PKD1L1: variants seen among roughly 807,000 people sequenced by gnomAD.
PKD1L1 encodes the protein polycystin-1-like protein 1.
In PKD1L1, 236 loss-of-function variants were observed where a neutral mutation model predicts 323.4. The ratio of observed to expected loss-of-function variants is 0.73; its 90% confidence interval spans 0.66 to 0.81. The LOEUF is 0.81. Ranked by LOEUF, PKD1L1 falls within the 40% of genes least tolerant of loss-of-function variation. The pLI is 0.00. For synonymous variants in PKD1L1, 1,344 were observed against 1,335.0 expected (o/e 1.01, Z -0.15); for missense variants, 3,320 against 3,508.0 (o/e 0.95, Z 1.35).
chr7:47,817,098 G>T (rs1026609848), intron 46 of PKD1L1, among the ~76,000 whole-genome samples: 3 of 152,126 alleles, frequency 2.0e-5, no homozygotes, highest in Non-Finnish European at 4.4e-5. Flanking sequence ...TTAGCTGGGC[G>T]TGATGGTACG....
chr7:47,917,075 A>G (rs1176735638), intron 7 of PKD1L1, among the ~76,000 whole-genome samples: 1 of 152,194 alleles, frequency 6.6e-6, no homozygotes, highest in Admixed American at 6.5e-5. Context: ...AAATCCAAAA[A>G]ATGATACAAG....
chr7:47,949,381 A>AAAAAAAAAAAAAAAAG (rs1562576944), upstream of PKD1L1, among the ~76,000 whole-genome samples: 2 of 148,758 alleles, frequency 1.3e-5, no homozygotes, highest in African/African-American at 4.9e-5. Flanking sequence ...AAAAAAAAAA[A>AAAAAAAAAAAAAAAAG]AAAAAAAAAA....
intron 45 of PKD1L1, among the ~76,000 whole-genome samples, chr7:47,821,578 T>G (rs1426732703): frequency 6.6e-6 from 1 of 151,500 alleles, no homozygotes; most frequent in African/African-American, 2.4e-5. Flanking sequence ...CAGAAGATTT[T>G]AAATGAAACT....
intron 20 of PKD1L1, among the ~76,000 whole-genome samples, chr7:47,881,636 G>T (rs1786555799): frequency 6.6e-6 from 1 of 152,164 alleles, no homozygotes; most frequent in Non-Finnish European, 1.5e-5. Flanking sequence ...TGCGCACCAA[G>T]GTGTCTGGGA....
rs1367427577 is a variant in PKD1L1, at chr7:47,839,308, C to T, written c.5769+138G>A. 4.6e-6 allele frequency: 3 copies of T among 645,462 alleles called. No homozygotes were observed. Among genetic ancestry groups the T allele is most frequent in the East Asian group, 5.6e-5 (2 of 35,752 alleles). 40.0% of individuals were successfully genotyped at this position (645,462 alleles called of 1,614,324 possible). On this transcript the variant is annotated intron_variant, in intron 36 of 56. Transcript: ENST00000289672. This position sits in a 1 kb window ranked among gnomAD's most constrained non-coding sequence, Gnocchi z 4.3. ...AATGTATCATTTAATATTTTGATAT[C>T]GTGGTAATTAACTAAGAAAAGAGGA...
At chr7:47,852,418 A>C (rs1036417120) in intron 31 of PKD1L1, among the ~76,000 whole-genome samples, 2 of 152,228 alleles carry the variant, frequency 1.3e-5, no homozygotes, top group African/African-American at 4.8e-5. Context: ...TGGTTCTCAG[A>C]AGAAAATAAC....
At chr7:47,826,368 TA>T (rs1026684693) in intron 45 of PKD1L1, among the ~76,000 whole-genome samples, 2 of 152,150 alleles carry the variant, frequency 1.3e-5, no homozygotes, top group Non-Finnish European at 2.9e-5. Flanking sequence ...TTGATAAGAT[TA>T]AAAAACTTGG....
At chr7:47,868,103 C>T (rs1421554980) in intron 24 of PKD1L1, among the ~76,000 whole-genome samples, 1 of 152,220 alleles carries the variant, frequency 6.6e-6, no homozygotes, top group Non-Finnish European at 1.5e-5. Context: ...CGTGGTGGCT[C>T]ATGCCTGTAA....
At position 47,781,399 on chromosome 7, in the gene PKD1L1, GTTTTGTTTTGTTTT is replaced by G. The variant is rs1562927353; in HGVS notation, c.8527-6247_8527-6234del. ...TGCAGAACAAAAGGTTTTTTTTTTT[GTTTTGTTTTGTTTT>G]TTTTTTTTTTTTTGAGACAGAGTCT... On this transcript the variant is annotated intron_variant, in intron 56 of 56. Coordinates refer to ENST00000289672, the MANE Select transcript of PKD1L1 (RefSeq NM_138295.5). Among the ~76,000 whole-genome samples the G allele has an allele frequency of 1.1e-3, 80 of 71,798 alleles. 2 individuals are homozygous for G. In the East Asian group the frequency reaches 0.022, roughly 20 times the overall value. 47.1% of individuals were successfully genotyped at this position (71,798 alleles called of 152,430 possible).
chr7:47,889,970 C>G (rs753004687), intron 16 of PKD1L1, among the ~76,000 whole-genome samples: 3 of 152,224 alleles, frequency 2.0e-5, no homozygotes, highest in Non-Finnish European at 4.4e-5. Context: ...GCACTTGGCT[C>G]GGTCCTGGTA....
intron 46 of PKD1L1, among the ~76,000 whole-genome samples, chr7:47,815,844 T>G (rs1785004834): frequency 1.1e-5 from 1 of 89,840 alleles, no homozygotes; most frequent in Non-Finnish European, 2.2e-5. Context: ...TTGTGACAAA[T>G]ATGAAGGAGG....
At chr7:47,943,155 AAAAAAAAAATAT>A (rs1441048485) in intron 2 of PKD1L1, among the ~76,000 whole-genome samples, 103 of 63,222 alleles carry the variant, frequency 1.6e-3, no homozygotes, top group African/African-American at 2.8e-3. Flanking sequence ...CAAAAAAAAA[AAAAAAAAAATAT>A]ATATATATAT....
chr7:47,944,382 T>C (rs1326737353), intron 1 of PKD1L1, among the ~76,000 whole-genome samples: 1 of 152,250 alleles, frequency 6.6e-6, no homozygotes, highest in African/African-American at 2.4e-5. Context: ...TTATGCTTCC[T>C]GTACTGGCTG....
At chr7:47,794,660 T>A (rs1244671671) in intron 55 of PKD1L1, among the ~76,000 whole-genome samples, 1 of 152,078 alleles carries the variant, frequency 6.6e-6, no homozygotes, top group Non-Finnish European at 1.5e-5. Context: ...GAATGGTGGA[T>A]CCTCTGACAA....
chr7:47,888,008 C>CT lies in PKD1L1; in HGVS notation c.2817dup (p.Glu940ArgfsTer4). On this transcript the variant is annotated frameshift_variant, in exon 17 of 57. Coordinates refer to ENST00000289672, the MANE Select transcript of PKD1L1 (RefSeq NM_138295.5). LOFTEE classifies it high-confidence loss of function. ...TTTTTACCTTCTATCCTATTCTTTT[C>CT]TGTTGCATTGACTAAAAAGAGATCC... 1 of 1,613,494 alleles carries CT rather than the reference C, an allele frequency of 6.2e-7. No individual in the cohort carries two copies. The highest frequency in any genetic ancestry group is 8.5e-7 in the Non-Finnish European group (1 of 1,179,544).
At chr7:47,781,757 G>GT (rs758525624) in intron 56 of PKD1L1, among the ~76,000 whole-genome samples, 6 of 151,820 alleles carry the variant, frequency 4.0e-5, no homozygotes, top group South Asian at 2.1e-4. Flanking sequence ...ATTTTCTCCT[G>GT]TTTTTTTCTC....
chr7:47,892,688 C>G (rs1185745245), intron 15 of PKD1L1, among the ~76,000 whole-genome samples: 1 of 152,000 alleles, frequency 6.6e-6, no homozygotes, highest in Non-Finnish European at 1.5e-5. Context: ...GCACTCATAT[C>G]CCCTAAATCA....
At chr7:47,918,900 G>A (rs984660597) in intron 7 of PKD1L1, among the ~76,000 whole-genome samples, 3 of 152,068 alleles carry the variant, frequency 2.0e-5, no homozygotes, top group African/African-American at 7.2e-5. Context: ...AGCCCTAAAT[G>A]CCTACATCAA....
chr7:47,787,298 C>G (rs1035136657), intron 56 of PKD1L1, among the ~76,000 whole-genome samples: 7 of 152,178 alleles, frequency 4.6e-5, no homozygotes, highest in African/African-American at 1.7e-4. Flanking sequence ...CCACCCTTGG[C>G]AGCATTAACT....
Sources: gnomAD v4.1 joint callset for allele counts (sites outside exome capture counted in the v4.1 genomes callset) on GRCh38, gnomAD v4.1.1 for gene constraint, Gnocchi (gnomAD v3.1) non-coding constraint, MANE v1.5 for transcripts, NCBI Gene and HGNC (gene_info 2026-07-23, HGNC 2026-07-21) for gene names.